Variants in CDC42EP4 observed in about 807,000 individuals in gnomAD.
The protein encoded by CDC42EP4 is CDC42 effector protein (Rho GTPase binding) 4.
A neutral mutation model predicts 5.6 loss-of-function variants in CDC42EP4; 6 were observed. The ratio of observed to expected loss-of-function variants is 1.07; its 90% CI spans 0.59 to 2.12. CDC42EP4 has a LOEUF of 2.12. CDC42EP4 is among the 30% of genes most tolerant of loss of function. The pLI, the probability that CDC42EP4 is intolerant of heterozygous loss-of-function variation, is 0.00. For missense variants in CDC42EP4, 490 were observed against 508.6 expected, an observed-to-expected ratio of 0.96 and a Z score of 0.35; for synonymous variants, 230 against 224.2, an observed-to-expected ratio of 1.03 and a Z score of -0.23.
Position 73,285,917 on chromosome 17 carries a change from T to C in CDC42EP4, c.584A>G (p.Lys195Arg). The change falls in exon 2 of 2, where the codon AAG becomes AGG. Residue 195 changes from lysine (K) to arginine (R), a missense_variant. Lys to Arg is a conservative substitution (Grantham distance 26). Transcript: ENST00000335793. This position sits in a 1 kb window ranked among gnomAD's most constrained non-coding sequence, Gnocchi z 6.8. The part of the protein sequence containing the change: ...GDLTDLPVVP[K>R]ATYGLKHAES... The stretch of plus-strand genomic sequence containing the variant: ...CGCATGCTTCAGCCCGTACGTGGCC[T>C]TGGGCACGACAGGCAGATCTGTCAG... 6.2e-7 allele frequency: 1 copy of C among 1,613,980 alleles called. No homozygotes were observed. Among genetic ancestry groups the C allele is most frequent in the Non-Finnish European group, 8.5e-7 (1 of 1,180,038 alleles).
intron 1 of CDC42EP4, among the ~76,000 whole-genome samples, chr17:73,305,739 G>A (rs1203076507): frequency 6.6e-6 from 1 of 152,228 alleles, no homozygotes; most frequent in Non-Finnish European, 1.5e-5. Flanking sequence ...GTGCTATAAA[G>A]ATGATGCTGT....
chr17:73,285,646 C>T lies in CDC42EP4; in HGVS notation c.855G>A (p.Gly285=). 1 of 1,593,774 alleles carries T rather than the reference C, an allele frequency of 6.3e-7. No individual in the cohort carries two copies. ...SLPSHALEDE[G]WAAAAPSPGS... ...CGGGGCTGGGGGCCGCTGCTGCCCACCCCTCATCCTCCAGAGCATGGGAGG... is the reference window on the plus strand; with the variant it reads ...CGGGGCTGGGGGCCGCTGCTGCCCATCCCTCATCCTCCAGAGCATGGGAGG... Residue 285 remains glycine, a synonymous_variant, in exon 2 of 2, where the codon GGG becomes GGA. Transcript: ENST00000335793. The surrounding 1 kb of genome is among the most constrained non-coding windows in gnomAD (Gnocchi z 6.8).
intron 1 of CDC42EP4, among the ~76,000 whole-genome samples, chr17:73,289,229 G>A (rs2062148829): frequency 6.6e-6 from 1 of 152,104 alleles, no homozygotes; most frequent in Non-Finnish European, 1.5e-5. Context: ...CGGGCACAGT[G>A]GGTCACAACT....
rs570990271 is a variant in CDC42EP4, at chr17:73,285,064, C to T, written c.*366G>A. The T allele has an allele frequency of 1.2e-5, 2 of 169,028 alleles. No homozygotes were observed. The highest frequency in any genetic ancestry group is 1.9e-4 in the South Asian group (1 of 5,294). 10.5% of individuals were successfully genotyped at this position (169,028 alleles called of 1,614,324 possible). ...CCCTGGAGCTGAGGCTGCCTCTGGG[C>T]TGACCCGCTGGCTGTACGTGGCCAG... is the stretch of plus-strand genomic sequence containing the variant. On this transcript the variant is annotated 3_prime_UTR_variant, in exon 2 of 2. Coordinates refer to ENST00000335793, the MANE Select transcript of CDC42EP4 (RefSeq NM_012121.5). This position sits in a 1 kb window ranked among gnomAD's most constrained non-coding sequence, Gnocchi z 6.8.
rs759855720 is a variant in CDC42EP4 at position 73,286,428 on chromosome 17, C to G, written c.73G>C (p.Glu25Gln). ...TCGCCCAGCGGGGCGCTGATCATCT[C>G]GGCCGTGAGGTCCGCTCGGGAACGG... ...KRRSRADLTA[E>Q]MISAPLGDFR... is the part of the protein sequence containing the mutation. The change falls in exon 2 of 2, where the codon GAG (glutamate) becomes CAG (glutamine). Residue 25 changes from glutamate (E) to glutamine (Q), a missense_variant. Transcript: ENST00000335793. The surrounding 1 kb of genome is among the most constrained non-coding windows in gnomAD (Gnocchi z 7.7). The G allele has an allele frequency of 6.2e-7, 1 of 1,613,396 alleles. No individual in the cohort carries two copies. The highest frequency in any genetic ancestry group is 8.5e-7 in the Non-Finnish European group (1 of 1,179,610).
chr17:73,295,364 T>C (rs921422906), intron 1 of CDC42EP4, among the ~76,000 whole-genome samples: 3 of 152,158 alleles, frequency 2.0e-5, no homozygotes, highest in African/African-American at 7.2e-5. Context: ...CTCAATGGGC[T>C]CACCGCCAGG....
At position 73,286,660 on chromosome 17, in the gene CDC42EP4, C is replaced by T. The variant is rs182039753; in HGVS notation, c.-112-48G>A. The T allele has an allele frequency of 1.3e-3, 809 of 606,544 alleles. 1 individual carries two copies. The highest frequency in any genetic ancestry group is 2.0e-3 in the Non-Finnish European group (688 of 346,608). The allele number at this position is 606,544 out of a possible 1,614,324, so 37.6% of individuals were successfully genotyped here. A position where few individuals can be genotyped will look rare whatever the true frequency, so the allele number is the denominator to read the frequency against. On this transcript the variant is annotated intron_variant, in intron 1 of 1. Transcript: ENST00000335793. This position sits in a 1 kb window ranked among gnomAD's most constrained non-coding sequence, Gnocchi z 7.7. ...AAAGGATTAACGCGGGCTGGCCACA[C>T]GGCACAAAAGCCTCTTTGCCAGGGG...
Position 73,305,249 on chromosome 17 carries a change from G to C in CDC42EP4, c.-113+6644C>G, listed in dbSNP as rs542396338. Among the ~76,000 whole-genome samples, 17 of 152,356 alleles carry C rather than the reference G, an allele frequency of 1.1e-4. No individual in the cohort carries two copies. In the East Asian group the frequency reaches 3.3e-3, roughly 29 times the overall value. On this transcript the variant is annotated intron_variant, in intron 1 of 1. Transcript: ENST00000335793. Reference sequence around the variant, plus strand: ...AGCCACCACCCGAAGCCAGCCACCAGCAGAGGGACCATCTGGGCCAGGCAG... The same window carrying C: ...AGCCACCACCCGAAGCCAGCCACCACCAGAGGGACCATCTGGGCCAGGCAG...
At chr17:73,303,399 C>G (rs1187379132) in intron 1 of CDC42EP4, among the ~76,000 whole-genome samples, 1 of 151,740 alleles carries the variant, frequency 6.6e-6, no homozygotes, top group African/African-American at 2.4e-5. Context: ...CGGTGGCTCA[C>G]GCCTGTAATC....
chr17:73,293,458 C>T (rs981126735), intron 1 of CDC42EP4, among the ~76,000 whole-genome samples: 1 of 152,184 alleles, frequency 6.6e-6, no homozygotes, highest in African/African-American at 2.4e-5. Context: ...TCAAATGGGA[C>T]TCCAGGCCTT....
chr17:73,291,623 T>G (rs574426159), intron 1 of CDC42EP4, among the ~76,000 whole-genome samples: 54 of 152,176 alleles, frequency 3.5e-4, no homozygotes, highest in Non-Finnish European at 6.8e-4. Flanking sequence ...GACTCAGCTC[T>G]GGGGAAGTGG....
At chr17:73,308,862 C>T (rs962115214) in intron 1 of CDC42EP4, among the ~76,000 whole-genome samples, 1 of 151,598 alleles carries the variant, frequency 6.6e-6, no homozygotes, top group Non-Finnish European at 1.5e-5. Flanking sequence ...CAGTGAAACC[C>T]TGTTTCTACT....
chr17:73,292,301 G>A (rs1317553687), intron 1 of CDC42EP4, among the ~76,000 whole-genome samples: 1 of 152,244 alleles, frequency 6.6e-6, no homozygotes, highest in Non-Finnish European at 1.5e-5. Flanking sequence ...TGGCCGAATA[G>A]CAGAGGGCTT....
At chr17:73,305,288 T>TG (rs1430023718) in intron 1 of CDC42EP4, among the ~76,000 whole-genome samples, 5 of 152,302 alleles carry the variant, frequency 3.3e-5, no homozygotes, top group Non-Finnish European at 5.9e-5. Context: ...GGATGCCTGG[T>TG]GGGGGGCCCC....
Position 73,285,510 on chromosome 17 carries a change from C to G in CDC42EP4, c.991G>C (p.Ala331Pro). 1 of 1,608,562 alleles carries G rather than the reference C, an allele frequency of 6.2e-7. No individual in the cohort carries two copies. The highest frequency in any genetic ancestry group is 8.5e-7 in the Non-Finnish European group (1 of 1,177,218). Residue 331 changes from alanine (A) to proline (P), a missense_variant, in exon 2 of 2, where the codon GCC (alanine) becomes CCC (proline). Physicochemically the swap from Ala to Pro is conservative, Grantham distance 27. Transcript: ENST00000335793. The surrounding 1 kb of genome is among the most constrained non-coding windows in gnomAD (Gnocchi z 6.8). Reference sequence around the variant, plus strand: ...GGCTGTCTTGAGACAGCAGCCCGGGCCCTGTCCGGCCCCCGGAAGGCAGGG... The same window carrying G: ...GGCTGTCTTGAGACAGCAGCCCGGGGCCTGTCCGGCCCCCGGAAGGCAGGG... ...RSPAFRGPDR[A>P]RAAVSRQPDK...
At chr17:73,289,445 C>T (rs1197017377) in intron 1 of CDC42EP4, among the ~76,000 whole-genome samples, 1 of 152,082 alleles carries the variant, frequency 6.6e-6, no homozygotes, top group African/African-American at 2.4e-5. Context: ...GTGAGCAGAT[C>T]GAGGTGCCAG....
At position 73,297,248 on chromosome 17, in the gene CDC42EP4, C is replaced by T. The variant is rs981993213; in HGVS notation, c.-112-10636G>A. Among the ~76,000 whole-genome samples, 73 of 149,300 alleles carry T rather than the reference C, an allele frequency of 4.9e-4. 1 individual carries two copies. Among genetic ancestry groups the T allele is most frequent in the Non-Finnish European group, 7.7e-4 (52 of 67,542 alleles). ...GGCGGAGGTTGCTGTGAGCCAAGGT[C>T]GCGCCATTGCACTCCAGCCTGGGGG... is the stretch of plus-strand genomic sequence containing the variant. On this transcript the variant is annotated intron_variant, in intron 1 of 1. Coordinates refer to ENST00000335793, the MANE Select transcript of CDC42EP4 (RefSeq NM_012121.5).
intron 1 of CDC42EP4, among the ~76,000 whole-genome samples, chr17:73,306,322 CCT>C (rs1377914413): frequency 6.8e-6 from 1 of 147,026 alleles, no homozygotes; most frequent in Non-Finnish European, 1.5e-5. Flanking sequence ...ACAGTGAGAC[CCT>C]GTCTCTAAAA....
intron 1 of CDC42EP4, among the ~76,000 whole-genome samples, chr17:73,294,134 T>A (rs904295062): frequency 1.3e-5 from 2 of 152,098 alleles, no homozygotes; most frequent in Non-Finnish European, 2.9e-5. Flanking sequence ...GTGGATCTCC[T>A]GAGGTCAGGA....
Sources: gnomAD v4.1 joint callset for allele counts (sites outside exome capture counted in the v4.1 genomes callset) on GRCh38, gnomAD v4.1.1 for gene constraint, Gnocchi (gnomAD v3.1) non-coding constraint, MANE v1.5 for transcripts, NCBI Gene and HGNC (gene_info 2026-07-23, HGNC 2026-07-21) for gene names.